The following TDRD5 variants were observed in gnomAD, a reference collection of about 807,000 sequenced individuals.
TDRD5 encodes tudor domain-containing protein 5.
A neutral mutation model predicts 120.6 loss-of-function variants in TDRD5; 41 were observed. The observed-to-expected ratio is 0.34, with a 90% CI of 0.26 to 0.44. TDRD5 has a LOEUF of 0.44. Among genes scored for constraint, TDRD5 ranks in the 20% least tolerant of loss-of-function variants. The pLI is 1.00. For synonymous variants in TDRD5, 430 were observed against 433.7 expected, an observed-to-expected ratio of 0.99 and a Z score of 0.11; for missense variants, 1,006 against 1,221.2, an observed-to-expected ratio of 0.82 and a Z score of 2.63.
chr1:179,670,588 T>C (rs1170017056), intron 17 of TDRD5, among the ~76,000 whole-genome samples: 1 of 152,212 alleles, frequency 6.6e-6, no homozygotes, highest in East Asian at 1.9e-4. Flanking sequence ...TCGATCTTTT[T>C]AAATTTTGCC....
intron 4 of TDRD5, among the ~76,000 whole-genome samples, chr1:179,601,749 A>G (rs1339314317): frequency 6.6e-6 from 1 of 152,188 alleles, no homozygotes; most frequent in Non-Finnish European, 1.5e-5. Context: ...TCTTTTTCGT[A>G]TAATGATTCC....
intron 17 of TDRD5, among the ~76,000 whole-genome samples, chr1:179,682,286 G>T (rs934729972): frequency 6.6e-6 from 1 of 151,854 alleles, no homozygotes; most frequent in Non-Finnish European, 1.5e-5. Context: ...GGATACATGA[G>T]CAGAATGTGC....
At chr1:179,647,730 G>T (rs1205962983) in intron 11 of TDRD5, among the ~76,000 whole-genome samples, 4 of 151,200 alleles carry the variant, frequency 2.6e-5, no homozygotes, top group Non-Finnish European at 5.9e-5. Context: ...AATCTACAAT[G>T]AACTCAAACA....
intron 8 of TDRD5, 43 bp downstream of exon 8, chr1:179,634,672 T>C: frequency 6.5e-7 from 1 of 1,548,120 alleles, no homozygotes; most frequent in Non-Finnish European, 8.7e-7. Context: ...TTCAGCATTA[T>C]GGAAAGTAAA....
intron 17 of TDRD5, among the ~76,000 whole-genome samples, chr1:179,675,252 A>ATTT (rs1362971869): frequency 2.1e-5 from 2 of 93,444 alleles, no homozygotes; most frequent in African/African-American, 4.0e-5. Context: ...AGTTCAAAGA[A>ATTT]TTTTTATTAT....
rs1225632944 is a variant in TDRD5, at chr1:179,611,029, C to T, written c.832-7570C>T. ...CTTTATTAGAGTTTGGCACATTTCT[C>T]GAAATTGTATTCTTAGATATTGTAT... On this transcript the variant is annotated intron_variant, in intron 4 of 17. Coordinates refer to ENST00000444136, the MANE Select transcript of TDRD5 (RefSeq NM_001199085.3). Among the ~76,000 whole-genome samples, 7 of 150,720 alleles carry T rather than the reference C, an allele frequency of 4.6e-5. No individual in the cohort carries two copies. In the East Asian group the frequency reaches 7.7e-4, roughly 17 times the overall value.
chr1:179,592,989 T>G, intron 2 of TDRD5, 142 bp downstream of exon 2: 1 of 900,790 alleles, frequency 1.1e-6, no homozygotes, highest in African/African-American at 1.7e-5. Context: ...TAGGTGCTTT[T>G]GAGGTTGTGG....
intron 4 of TDRD5, among the ~76,000 whole-genome samples, chr1:179,617,914 C>T (rs947322427): frequency 1.3e-5 from 2 of 152,154 alleles, no homozygotes; most frequent in Non-Finnish European, 2.9e-5. Context: ...TGACTTCCTA[C>T]CTGCTAAGTT....
intron 17 of TDRD5, among the ~76,000 whole-genome samples, chr1:179,678,310 G>A (rs908734072): frequency 6.6e-6 from 1 of 152,186 alleles, no homozygotes; most frequent in Non-Finnish European, 1.5e-5. Context: ...GACCAGGGCT[G>A]AGAATTTGCC....
At chr1:179,615,483 A>T (rs72706728) in intron 4 of TDRD5, among the ~76,000 whole-genome samples, 13,668 of 151,966 alleles carry the variant, frequency 0.09, 677 homozygotes, top group Middle Eastern at 0.12. Context: ...TTCTCTTCTG[A>T]GGTCCTATAA....
chr1:179,645,880 A>G (rs1391030492), intron 11 of TDRD5, among the ~76,000 whole-genome samples: 1 of 152,104 alleles, frequency 6.6e-6, no homozygotes, highest in African/African-American at 2.4e-5. Context: ...GTCTGATGTT[A>G]ATATAACTAT....
chr1:179,632,001 G>A (rs1460529052), intron 7 of TDRD5, among the ~76,000 whole-genome samples: 1 of 151,596 alleles, frequency 6.6e-6, no homozygotes, highest in Non-Finnish European at 1.5e-5. Context: ...CCGCCTCGCG[G>A]GTTCATGCCA....
rs1676319346 is a variant in TDRD5 at position 179,612,237 on chromosome 1, T to A, written c.832-6362T>A. On this transcript the variant is annotated intron_variant, in intron 4 of 17. Coordinates refer to ENST00000444136, the MANE Select transcript of TDRD5 (RefSeq NM_001199085.3). ...AAGTTTTTCCTTTGTAAAATGAGGA[T>A]CAGAATGTCTTCACTTTCCTCTTGC... Among the ~76,000 whole-genome samples, 3 of 152,312 alleles carry A rather than the reference T, an allele frequency of 2.0e-5. No individual in the cohort carries two copies. The South Asian group carries it at 6.2e-4, about 32-fold the overall frequency.
At chr1:179,599,093 T>G (rs914157042) in intron 4 of TDRD5, among the ~76,000 whole-genome samples, 2 of 152,152 alleles carry the variant, frequency 1.3e-5, no homozygotes, top group Admixed American at 1.3e-4. Flanking sequence ...TTTGTCATGT[T>G]CTTTCTCCAT....
intron 4 of TDRD5, among the ~76,000 whole-genome samples, chr1:179,597,359 T>TCTC (rs1675454217): frequency 7.1e-6 from 1 of 141,222 alleles, no homozygotes; most frequent in Non-Finnish European, 1.5e-5. Context: ...TGATAGGGAG[T>TCTC]CTCACCTTGT....
In TDRD5 at chr1:179,690,807, CTTA is replaced by C; in HGVS notation, c.2974_2976del (p.Tyr992del). 6.2e-7 allele frequency: 1 copy of C among 1,614,210 alleles called. No homozygotes were observed. The highest frequency in any genetic ancestry group is 8.5e-7 in the Non-Finnish European group (1 of 1,180,028). The stretch of plus-strand genomic sequence containing the variant: ...GTAGACCAGCTGTCTTTGATTTTGT[CTTA>C]TGAGTGCCAGATTTCTCAGAAGCTC... On this transcript the variant is annotated inframe_deletion, in exon 18 of 18. Transcript: ENST00000444136.
intron 6 of TDRD5, among the ~76,000 whole-genome samples, chr1:179,628,326 T>C (rs1353609909): frequency 6.3e-5 from 1 of 15,796 alleles, no homozygotes; most frequent in African/African-American, 1.9e-4. Context: ...TTTCTTTTCT[T>C]TTTTTTTTTT....
At chr1:179,660,188 A>T (rs1212438871) in intron 14 of TDRD5, among the ~76,000 whole-genome samples, 5 of 103,552 alleles carry the variant, frequency 4.8e-5, no homozygotes, top group African/African-American at 1.8e-4. Flanking sequence ...AACATTTTTT[A>T]GTATTCCATT....
intron 11 of TDRD5, 45 bp downstream of exon 11, chr1:179,640,490 C>A (rs1308448745): frequency 1.1e-5 from 18 of 1,566,618 alleles, no homozygotes; most frequent in Admixed American, 3.3e-5. Context: ...ACTTGAGTGC[C>A]TATTATGTGC....
Sources: allele counts gnomAD v4.1 joint callset (sites outside exome capture counted in the v4.1 genomes callset), GRCh38; gene constraint gnomAD v4.1.1; transcripts MANE v1.5; gene names NCBI Gene and HGNC (gene_info 2026-07-23, HGNC 2026-07-21).